The following INSYN1 variants were observed in gnomAD, a reference collection of about 807,000 sequenced individuals.
INSYN1 encodes UPF0583 protein C15orf59.
A neutral mutation model predicts 17.1 loss-of-function variants in INSYN1; 7 were observed. That is an observed-to-expected ratio of 0.41 (90% CI 0.23 to 0.77). The LOEUF is 0.77. INSYN1 is among the 30% of genes least tolerant of loss of function. The pLI is 0.32. For synonymous variants in INSYN1, 174 were observed against 166.3 expected (o/e 1.05, Z -0.36); for missense variants, 339 against 400.6 (o/e 0.85, Z 1.31).
At chr15:73,743,283 C>A (rs1325900491) in intron 2 of INSYN1, among the ~76,000 whole-genome samples, 1 of 152,226 alleles carries the variant, frequency 6.6e-6, no homozygotes, top group Non-Finnish European at 1.5e-5. Context: ...GGAGCCCAAG[C>A]CTTCAGGCTG....
chr15:73,741,825 A>G (rs1901698884), intron 2 of INSYN1, among the ~76,000 whole-genome samples: 1 of 152,138 alleles, frequency 6.6e-6, no homozygotes. Context: ...AATTCAACAA[A>G]CAGTTGCTAA....
In INSYN1 at chr15:73,737,215, T is replaced by C. The variant is rs991075886; in HGVS notation, c.*2702A>G. Reference sequence around the variant, plus strand: ...GTTTCTTCCTCTGTGAAATGCGAACTATTCCATAGGTTTCTTTTCCCTGAC... The same window carrying C: ...GTTTCTTCCTCTGTGAAATGCGAACCATTCCATAGGTTTCTTTTCCCTGAC... On this transcript the variant is annotated 3_prime_UTR_variant, in exon 3 of 3. Coordinates refer to ENST00000569673, the MANE Select transcript of INSYN1 (RefSeq NM_001039614.3). 2.0e-5 allele frequency: 3 copies of C among 152,258 alleles called. No individual in the cohort carries two copies. Among genetic ancestry groups the C allele is most frequent in the Non-Finnish European group, 2.9e-5 (2 of 68,056 alleles). 9.4% of individuals were successfully genotyped at this position (152,258 alleles called of 1,614,324 possible).
intron 2 of INSYN1, among the ~76,000 whole-genome samples, chr15:73,741,396 G>C (rs1901687475): frequency 6.6e-6 from 1 of 152,188 alleles, no homozygotes. Context: ...TCTGGGCCCA[G>C]AGCTGCTTGT....
At position 73,739,408 on chromosome 15, in the gene INSYN1, G is replaced by A. The variant is rs1031530533; in HGVS notation, c.*509C>T. On this transcript the variant is annotated 3_prime_UTR_variant, in exon 3 of 3. Transcript: ENST00000569673. Reference sequence around the variant, plus strand: ...TATAGCCGAGTAAGTCTGCCTTGGAGTAGAAGGATGGTGGGTGCAAGTGAC... The same window carrying A: ...TATAGCCGAGTAAGTCTGCCTTGGAATAGAAGGATGGTGGGTGCAAGTGAC... The A allele has an allele frequency of 5.3e-5, 8 of 152,342 alleles. No homozygotes were observed. Among genetic ancestry groups the A allele is most frequent in the African/African-American group, 1.9e-4 (8 of 41,464 alleles). The allele number at this position is 152,342 out of a possible 1,614,324, so 9.4% of individuals were successfully genotyped here. A position where few individuals can be genotyped will look rare whatever the true frequency, so the allele number is the denominator to read the frequency against.
Position 73,752,078 on chromosome 15 carries a change from C to T in INSYN1, c.-568+32G>A, listed in dbSNP as rs1369134811. ...GCGGACCCTCCCTCCCCCAGCCCCG[C>T]CTTCCCTCAGAACCCCCACTCCTGG... On this transcript the variant is annotated intron_variant, in intron 1 of 2. Coordinates refer to ENST00000569673, the MANE Select transcript of INSYN1 (RefSeq NM_001039614.3). This position sits in a 1 kb window ranked among gnomAD's most constrained non-coding sequence, Gnocchi z 5.2. The T allele has an allele frequency of 6.6e-6, 1 of 152,278 alleles. No homozygotes were observed. Among genetic ancestry groups the T allele is most frequent in the Non-Finnish European group, 1.5e-5 (1 of 68,220 alleles). The allele number at this position is 152,278 out of a possible 1,614,324, so 9.4% of individuals were successfully genotyped here. A position where few individuals can be genotyped will look rare whatever the true frequency, so the allele number is the denominator to read the frequency against.
chr15:73,737,323 T>C lies in INSYN1; in HGVS notation c.*2594A>G, dbSNP rs1423080553. The stretch of plus-strand genomic sequence containing the variant: ...GCAAGCCTCAGAGGGAGAACTGTTA[T>C]GTCCATTCTTAGCACCAGGTAGGCC... On this transcript the variant is annotated 3_prime_UTR_variant, in exon 3 of 3. Transcript: ENST00000569673. The C allele has an allele frequency of 2.0e-5, 3 of 152,398 alleles. No individual in the cohort carries two copies. The highest frequency in any genetic ancestry group is 3.9e-4 in the East Asian group (2 of 5,188). 9.4% of individuals were successfully genotyped at this position (152,398 alleles called of 1,614,324 possible). A position where few individuals can be genotyped will look rare whatever the true frequency, so the allele number is the denominator to read the frequency against.
chr15:73,739,865 A>ATATATATATT lies in INSYN1; in HGVS notation c.*51_*52insAATATATATA, dbSNP rs1410142997. ...TATATATATATATATATATATATAT[A>ATATATATATT]TATTTATTTATAGCTCTATGTGCCC... On this transcript the variant is annotated 3_prime_UTR_variant, in exon 3 of 3. Coordinates refer to ENST00000569673, the MANE Select transcript of INSYN1 (RefSeq NM_001039614.3). 1.2e-3 allele frequency: 393 copies of ATATATATATT among 328,832 alleles called. 1 individual carries two copies. The highest frequency in any genetic ancestry group is 1.4e-3 in the Non-Finnish European group (249 of 182,356). 20.4% of individuals were successfully genotyped at this position (328,832 alleles called of 1,614,324 possible).
Position 73,751,285 on chromosome 15 carries a change from C to T in INSYN1, c.-155G>A. ...TGGGCGGCCCTCAACCAGCCCCTGCCCCCTGCCACCCAGCCTCCTCTGCCT... is the reference window on the plus strand; with the variant it reads ...TGGGCGGCCCTCAACCAGCCCCTGCTCCCTGCCACCCAGCCTCCTCTGCCT... On this transcript the variant is annotated 5_prime_UTR_variant, in exon 2 of 3. Transcript: ENST00000569673. 1.3e-6 allele frequency: 1 copy of T among 761,050 alleles called. No individual in the cohort carries two copies. The highest frequency in any genetic ancestry group is 2.1e-6 in the Non-Finnish European group (1 of 474,994). The allele number at this position is 761,050 out of a possible 1,614,324, so 47.1% of individuals were successfully genotyped here.
At position 73,751,136 on chromosome 15, in the gene INSYN1, A is replaced by G. The variant is rs774879942; in HGVS notation, c.-6T>C. 1 of 1,613,250 alleles carries G rather than the reference A, an allele frequency of 6.2e-7. No homozygotes were observed. Among genetic ancestry groups the G allele is most frequent in the Non-Finnish European group, 8.5e-7 (1 of 1,179,960 alleles). ...GGGGCGCCCCGAATGTTCATCGTTT[A>G]CCACGTGGCCGCAGGCCTGCCCATA... On this transcript the variant is annotated 5_prime_UTR_variant, in exon 2 of 3. The change abolishes the stop of an existing upstream ORF in the 5' untranslated region. Coordinates refer to ENST00000569673, the MANE Select transcript of INSYN1 (RefSeq NM_001039614.3).
intron 2 of INSYN1, among the ~76,000 whole-genome samples, chr15:73,743,853 A>AG (rs1488688187): frequency 1.4e-5 from 2 of 146,458 alleles, no homozygotes; most frequent in East Asian, 3.9e-4. Flanking sequence ...AAAAAAAAAA[A>AG]AAAAAGAAAG....
rs1437038939 is a variant in INSYN1 at position 73,736,343 on chromosome 15, A to C, written c.*3574T>G. ...GGTGGCTCACGCCTGTAATCCCATC[A>C]CTTTGGGAGGCCAAGGCAGGTGGAT... On this transcript the variant is annotated 3_prime_UTR_variant, in exon 3 of 3. Transcript: ENST00000569673. The C allele has an allele frequency of 6.6e-6, 1 of 151,926 alleles. No homozygotes were observed. The highest frequency in any genetic ancestry group is 1.5e-5 in the Non-Finnish European group (1 of 67,992). 9.4% of individuals were successfully genotyped at this position (151,926 alleles called of 1,614,324 possible). A position where few individuals can be genotyped will look rare whatever the true frequency, so the allele number is the denominator to read the frequency against.
intron 1 of INSYN1, 32 bp from the exon 2 acceptor site, chr15:73,751,729 C>T (rs1330850035): frequency 2.0e-5 from 3 of 153,602 alleles, no homozygotes; most frequent in Non-Finnish European, 4.3e-5. Flanking sequence ...CGTCAGCCCT[C>T]CCAGGCTGCA....
chr15:73,742,962 C>T (rs1227933204), intron 2 of INSYN1, among the ~76,000 whole-genome samples: 1 of 152,202 alleles, frequency 6.6e-6, no homozygotes, highest in African/African-American at 2.4e-5. Context: ...AAACCACTAG[C>T]CTAGGGCACT....
At position 73,752,350 on chromosome 15, in the gene INSYN1, T is replaced by G. The variant is rs1446619715; in HGVS notation, c.-808A>C. On this transcript the variant is annotated 5_prime_UTR_variant, in exon 1 of 3. Coordinates refer to ENST00000569673, the MANE Select transcript of INSYN1 (RefSeq NM_001039614.3). The surrounding 1 kb of genome is among the most constrained non-coding windows in gnomAD (Gnocchi z 5.2). ...TTCTCAAGCCTCTCCAGGCTCGGGG[T>G]CGGGAATGAGCGAGGGTCCGGCAGA... The G allele has an allele frequency of 6.6e-6, 1 of 151,668 alleles. No homozygotes were observed. Among genetic ancestry groups the G allele is most frequent in the African/African-American group, 2.4e-5 (1 of 41,204 alleles). The allele number at this position is 151,668 out of a possible 1,614,324, so 9.4% of individuals were successfully genotyped here. A position where few individuals can be genotyped will look rare whatever the true frequency, so the allele number is the denominator to read the frequency against.
intron 2 of INSYN1, 64 bp from the exon 3 acceptor site, chr15:73,740,706 A>T: frequency 7.7e-7 from 1 of 1,293,134 alleles, no homozygotes; most frequent in Non-Finnish European, 1.1e-6. Flanking sequence ...GCCAGGTGTG[A>T]GTGTGTCTCC....
intron 2 of INSYN1, among the ~76,000 whole-genome samples, chr15:73,743,853 A>AAAAAAGAAAG (rs1901755387): frequency 1.4e-5 from 2 of 146,458 alleles, no homozygotes; most frequent in Non-Finnish European, 3.0e-5. Flanking sequence ...AAAAAAAAAA[A>AAAAAAGAAAG]AAAAAGAAAG....
In INSYN1 at chr15:73,736,420, A is replaced by G. The variant is rs1901528194; in HGVS notation, c.*3497T>C. The G allele has an allele frequency of 6.6e-6, 1 of 152,122 alleles. No individual in the cohort carries two copies. The highest frequency in any genetic ancestry group is 6.5e-5 in the Admixed American group (1 of 15,274). The allele number at this position is 152,122 out of a possible 1,614,324, so 9.4% of individuals were successfully genotyped here. A position where few individuals can be genotyped will look rare whatever the true frequency, so the allele number is the denominator to read the frequency against. On this transcript the variant is annotated 3_prime_UTR_variant, in exon 3 of 3. Coordinates refer to ENST00000569673, the MANE Select transcript of INSYN1 (RefSeq NM_001039614.3). The stretch of plus-strand genomic sequence containing the variant: ...AGGCTGGCCAACATAGTGAAACTCC[A>G]TCTCTAAGAAAATACAAAAATTAAC...
Position 73,752,849 on chromosome 15 carries a change from AGCCGGGGGCCCCG to A in INSYN1, c.-1320_-1308del, listed in dbSNP as rs1902027524. ...GCCGGGCCCAGCCGAGAGCGCGCGA[AGCCGGGGGCCCCG>A]GCCGGGCTGGGTTCGGCGGCCCGGG... On this transcript the variant is annotated 5_prime_UTR_variant, in exon 1 of 3. Coordinates refer to ENST00000569673, the MANE Select transcript of INSYN1 (RefSeq NM_001039614.3). This position sits in a 1 kb window ranked among gnomAD's most constrained non-coding sequence, Gnocchi z 5.2. The A allele has an allele frequency of 6.6e-6, 1 of 150,622 alleles. No individual in the cohort carries two copies. The highest frequency in any genetic ancestry group is 2.4e-5 in the African/African-American group (1 of 41,042). 9.3% of individuals were successfully genotyped at this position (150,622 alleles called of 1,614,324 possible). A position where few individuals can be genotyped will look rare whatever the true frequency, so the allele number is the denominator to read the frequency against.
chr15:73,744,873 C>T (rs1334352949), intron 2 of INSYN1, among the ~76,000 whole-genome samples: 1 of 152,078 alleles, frequency 6.6e-6, no homozygotes, highest in Non-Finnish European at 1.5e-5. Context: ...CAATGAGGCT[C>T]AGAGACTGGG....
Sources: allele counts gnomAD v4.1 joint callset (sites outside exome capture counted in the v4.1 genomes callset), GRCh38; gene constraint gnomAD v4.1.1; non-coding constraint Gnocchi (gnomAD v3.1); transcripts MANE v1.5; gene names NCBI Gene and HGNC (gene_info 2026-07-23, HGNC 2026-07-21).